PCDHGB4: variants seen among roughly 807,000 people sequenced by gnomAD.
PCDHGB4 encodes protocadherin gamma subfamily B, 4.
Under a neutral mutation model 60.5 loss-of-function variants are expected in PCDHGB4, and 38 were observed. The observed-to-expected ratio is 0.63, with a 90% CI of 0.48 to 0.82. The LOEUF is 0.82. PCDHGB4 is among the 40% of genes least tolerant of loss of function. The probability of loss-of-function intolerance (pLI) is 0.00; values close to 1 mark genes in which losing one functional copy is unlikely to be tolerated. For synonymous variants in PCDHGB4, 456 were observed against 509.7 expected, an observed-to-expected ratio of 0.89 and a Z score of 1.42; for missense variants, 1,109 against 1,209.6, an observed-to-expected ratio of 0.92 and a Z score of 1.23.
chr5:141,508,026 T>A (rs972124070), intron 3 of PCDHGB4: 3 of 152,314 alleles, frequency 2.0e-5, no homozygotes, highest in African/African-American at 7.2e-5. Context: ...GGCTGCGGTT[T>A]GCAGCTCAGC....
Position 141,398,972 on chromosome 5 carries a change from A to G in PCDHGB4, c.2397+8691A>G, listed in dbSNP as rs191593174. 31 of 1,613,974 alleles carry G rather than the reference A, an allele frequency of 1.9e-5. No homozygotes were observed. In the South Asian group the frequency reaches 2.5e-4, roughly 13 times the overall value. The stretch of plus-strand genomic sequence containing the variant: ...AACTCAGAAATTACTTATTCCTTCT[A>G]CAGAACCGGGCAAATCTTTAGTCTG... On this transcript the variant is annotated intron_variant, in intron 1 of 3. Transcript: ENST00000519479.
chr5:141,408,443 A>G (rs1486863170), intron 1 of PCDHGB4: 1 of 1,613,956 alleles, frequency 6.2e-7, no homozygotes, highest in Non-Finnish European at 8.5e-7. Flanking sequence ...AGACGCGGAG[A>G]GCGGGGACTT....
intron 1 of PCDHGB4, chr5:141,427,752 G>A (rs1171502843): frequency 4.5e-6 from 6 of 1,319,552 alleles, no homozygotes; most frequent in South Asian, 1.2e-5. Context: ...CTACTCCATC[G>A]TTACCACTGA....
intron 1 of PCDHGB4, chr5:141,419,472 G>A (rs1392935171): frequency 6.2e-7 from 1 of 1,612,330 alleles, no homozygotes; most frequent in Non-Finnish European, 8.5e-7. Flanking sequence ...CGCGACCAGG[G>A]CTCGCCCGCG....
rs774113255 is a variant in PCDHGB4 at position 141,405,285 on chromosome 5, C to T, written c.2397+15004C>T. 3.7e-6 allele frequency: 6 copies of T among 1,614,080 alleles called. No individual in the cohort carries two copies. The Admixed American group carries it at 1.0e-4, about 27-fold the overall frequency. On this transcript the variant is annotated intron_variant, in intron 1 of 3. Coordinates refer to ENST00000519479, the MANE Select transcript of PCDHGB4 (RefSeq NM_003736.4). ...TTCCCCCAGCCCAACTATGCAGACACACTCATCAGCCAGCAGAGCTGTGAG... is the reference window on the plus strand; with the variant it reads ...TTCCCCCAGCCCAACTATGCAGACATACTCATCAGCCAGCAGAGCTGTGAG...
intron 1 of PCDHGB4, chr5:141,419,854 A>G: frequency 1.9e-6 from 3 of 1,614,078 alleles, no homozygotes; most frequent in Non-Finnish European, 2.5e-6. Flanking sequence ...TGGTGTTCGC[A>G]GATAGCTTGC....
Position 141,415,491 on chromosome 5 carries a change from G to C in PCDHGB4, c.2397+25210G>C, listed in dbSNP as rs1386703838. 3.7e-6 allele frequency: 6 copies of C among 1,614,090 alleles called. No homozygotes were observed. The Admixed American group carries it at 8.3e-5, about 22-fold the overall frequency. ...CCGCGGACTCGCGAAAGAGTCACCTGATCTTCCCCCAGCCCAATTATGCGG... is the reference window on the plus strand; with the variant it reads ...CCGCGGACTCGCGAAAGAGTCACCTCATCTTCCCCCAGCCCAATTATGCGG... On this transcript the variant is annotated intron_variant, in intron 1 of 3. Coordinates refer to ENST00000519479, the MANE Select transcript of PCDHGB4 (RefSeq NM_003736.4).
intron 1 of PCDHGB4, among the ~76,000 whole-genome samples, chr5:141,447,644 G>A (rs1212910845): frequency 1.3e-5 from 2 of 152,146 alleles, no homozygotes; most frequent in Admixed American, 1.3e-4. Context: ...AATGATGGTA[G>A]AATTTTCCCC....
intron 1 of PCDHGB4, chr5:141,492,036 T>A: frequency 1.9e-6 from 1 of 536,866 alleles, no homozygotes; most frequent in Non-Finnish European, 3.2e-6. Flanking sequence ...GAGGAGGCAG[T>A]CACAGATCCA....
chr5:141,473,756 A>G (rs2099328139), intron 1 of PCDHGB4, among the ~76,000 whole-genome samples: 1 of 152,228 alleles, frequency 6.6e-6, no homozygotes, highest in African/African-American at 2.4e-5. Context: ...CTTGGATACT[A>G]TGCAAAGGAT....
intron 1 of PCDHGB4, chr5:141,426,336 C>T (rs779025306): frequency 1.7e-4 from 31 of 187,682 alleles, no homozygotes; most frequent in Non-Finnish European, 2.8e-4. Context: ...GGCAAGCACT[C>T]TTCCCTTTCC....
At chr5:141,399,644 A>C in intron 1 of PCDHGB4, 1 of 1,613,810 alleles carries the variant, frequency 6.2e-7, no homozygotes, top group Non-Finnish European at 8.5e-7. Flanking sequence ...ATGAGCGCGC[A>C]AAGTGGGGTG....
rs999687684 is a variant in PCDHGB4 at position 141,431,598 on chromosome 5, C to G, written c.2397+41317C>G. 1 of 1,614,074 alleles carries G rather than the reference C, an allele frequency of 6.2e-7. No individual in the cohort carries two copies. The highest frequency in any genetic ancestry group is 1.3e-5 in the African/African-American group (1 of 74,938). On this transcript the variant is annotated intron_variant, in intron 1 of 3. Transcript: ENST00000519479. This position sits in a 1 kb window ranked among gnomAD's most constrained non-coding sequence, Gnocchi z 4.8. ...GGAGTCAATGCGGAAGTGAGGTATT[C>G]CTTCCGGTATGTGGACGACAAGGCG...
chr5:141,419,571 G>C, intron 1 of PCDHGB4: 1 of 1,611,704 alleles, frequency 6.2e-7, no homozygotes. Context: ...GGTCCCGACG[G>C]CTCCGCGCTC....
rs10040701 is a variant in PCDHGB4 at position 141,508,490 on chromosome 5, A to G, written c.2546-2457A>G. ...TCTTTCTTTTACATTCTGGATTTCC[A>G]TATCTTCTCTCCCTCCTGGTCCAGC... On this transcript the variant is annotated intron_variant, in intron 3 of 3. Transcript: ENST00000519479. Among the ~76,000 whole-genome samples, 377 of 152,202 alleles carry G rather than the reference A, an allele frequency of 2.5e-3. 1 individual carries two copies. The highest frequency in any genetic ancestry group is 8.6e-3 in the African/African-American group (358 of 41,530).
Position 141,389,736 on chromosome 5 carries a change from G to C in PCDHGB4, c.1852G>C (p.Gly618Arg). 6.2e-7 allele frequency: 1 copy of C among 1,612,710 alleles called. No homozygotes were observed. The highest frequency in any genetic ancestry group is 8.5e-7 in the Non-Finnish European group (1 of 1,179,724). ...TAGCGAGCCCGGGCTCTTCAGCCTGGGGCTGCGCACGGGCGAAGTGCGCAC... is the reference window on the plus strand; with the variant it reads ...TAGCGAGCCCGGGCTCTTCAGCCTGCGGCTGCGCACGGGCGAAGTGCGCAC... The part of the protein sequence containing the change: ...QASEPGLFSL[G>R]LRTGEVRTAR... The change falls in exon 1 of 4, where the codon GGG becomes CGG. Residue 618 changes from glycine (G) to arginine (R), a missense_variant. This residue lies in a region of PCDHGB4 where 1,068 missense variants were observed against 1,089.9 expected (regional missense o/e 0.98). Transcript: ENST00000519479.
intron 1 of PCDHGB4, chr5:141,393,423 G>A: frequency 1.2e-6 from 2 of 1,614,040 alleles, no homozygotes; most frequent in South Asian, 2.2e-5. Flanking sequence ...GGACAGGGAG[G>A]AAGAGGCTGC....
At position 141,491,101 on chromosome 5, in the gene PCDHGB4, G is replaced by A. The variant is rs1270788252; in HGVS notation, c.2398-3706G>A. Reference sequence around the variant, plus strand: ...GTCCACAGCCCCAGGACTGTTCCTCGTGTCTACACACACTGGTGAGGTGCG... The same window carrying A: ...GTCCACAGCCCCAGGACTGTTCCTCATGTCTACACACACTGGTGAGGTGCG... On this transcript the variant is annotated intron_variant, in intron 1 of 3. Transcript: ENST00000519479. This position sits in a 1 kb window ranked among gnomAD's most constrained non-coding sequence, Gnocchi z 6.9. The A allele has an allele frequency of 8.1e-6, 13 of 1,614,102 alleles. No individual in the cohort carries two copies. In the East Asian group the frequency reaches 1.6e-4, roughly 19 times the overall value.
At chr5:141,436,104 G>A (rs368559994) in intron 1 of PCDHGB4, among the ~76,000 whole-genome samples, 10 of 152,086 alleles carry the variant, frequency 6.6e-5, no homozygotes, top group East Asian at 3.9e-4. Flanking sequence ...AGAAATAGAG[G>A]ACAATGAAAC....
Sources: gnomAD v4.1 joint callset for allele counts (sites outside exome capture counted in the v4.1 genomes callset) on GRCh38, gnomAD v4.1.1 for gene constraint, gnomAD v4.1.1 regional missense constraint, Gnocchi (gnomAD v3.1) non-coding constraint, MANE v1.5 for transcripts, NCBI Gene and HGNC (gene_info 2026-07-23, HGNC 2026-07-21) for gene names.